The following MED15 variants were observed in gnomAD, a reference collection of about 807,000 sequenced individuals.
MED15 encodes the protein mediator complex subunit 15, also known as mediator of RNA polymerase II transcription subunit 15.
A neutral mutation model predicts 118.7 loss-of-function variants in MED15; 41 were observed. The ratio of observed to expected loss-of-function variants is 0.35; its 90% CI spans 0.27 to 0.45. The LOEUF (loss-of-function observed/expected upper bound fraction) is 0.45, where lower values mean the gene tolerates loss of function less well. MED15 is among the 20% of genes least tolerant of loss of function. MED15 has a pLI of 1.00. For missense variants in MED15, 740 were observed against 1,025.5 expected (o/e 0.72, Z 3.80); for synonymous variants, 436 against 413.9 (o/e 1.05, Z -0.65).
chr22:20,546,502 G>GTTTTTTTTTT (rs139110861), intron 2 of MED15, among the ~76,000 whole-genome samples: 2 of 109,402 alleles, frequency 1.8e-5, no homozygotes, highest in Non-Finnish European at 1.8e-5. Context: ...GTTACATGGA[G>GTTTTTTTTTT]TTTTTTTTGT....
At chr22:20,577,741 G>T (rs769896145) in intron 9 of MED15, among the ~76,000 whole-genome samples, 4 of 151,780 alleles carry the variant, frequency 2.6e-5, no homozygotes, top group Non-Finnish European at 4.4e-5. Context: ...ATTCGCACTG[G>T]CAGTGAGAGG....
rs1400144367 is a variant in MED15 at position 20,546,633 on chromosome 22, C to A, written c.157-4803C>A. On this transcript the variant is annotated intron_variant, in intron 2 of 17. Coordinates refer to ENST00000263205, the MANE Select transcript of MED15 (RefSeq NM_001003891.3). ...TTCTGATCTTTCCAGTCTAAGGAGT[C>A]CCCCCAAGGGCCACAGATGGGTTCT... Among the ~76,000 whole-genome samples the A allele has an allele frequency of 2.0e-5, 3 of 150,608 alleles. No homozygotes were observed. In the Admixed American group the frequency reaches 2.0e-4, roughly 10 times the overall value.
At chr22:20,524,820 T>C (rs1196668498) in intron 1 of MED15, among the ~76,000 whole-genome samples, 1 of 151,344 alleles carries the variant, frequency 6.6e-6, no homozygotes, top group Non-Finnish European at 1.5e-5. Context: ...CGGGATTTAG[T>C]AGAGACGGGA....
Position 20,517,852 on chromosome 22 carries a change from AT to A in MED15, c.68+10114del, listed in dbSNP as rs59692711. ...AGCTGGGGGCACTTAAATTAGATCC[AT>A]TTTTTTTCTGGAAGGCCTTTTGGCA... On this transcript the variant is annotated intron_variant, in intron 1 of 17. Transcript: ENST00000263205. Among the ~76,000 whole-genome samples the A allele has an allele frequency of 3.3e-5, 5 of 151,732 alleles. No homozygotes were observed. The East Asian group carries it at 7.7e-4, about 23-fold the overall frequency.
chr22:20,551,224 CT>C, intron 2 of MED15: 1 of 698,212 alleles, frequency 1.4e-6, no homozygotes, highest in Non-Finnish European at 2.7e-6. Flanking sequence ...CTGTCCCCTT[CT>C]TGTTTCTTTG....
intron 1 of MED15, among the ~76,000 whole-genome samples, chr22:20,514,667 T>A (rs1439959303): frequency 1.3e-5 from 2 of 152,154 alleles, no homozygotes; most frequent in Non-Finnish European, 2.9e-5. Flanking sequence ...TAGTGAAGCC[T>A]CCAGAGAGAC....
chr22:20,530,652 C>G (rs976099207), intron 1 of MED15, among the ~76,000 whole-genome samples: 1 of 151,992 alleles, frequency 6.6e-6, no homozygotes, highest in African/African-American at 2.4e-5. Context: ...TTGGTGGGAA[C>G]CAGGGCGGTT....
In MED15 at chr22:20,582,596, C is replaced by A; in HGVS notation, c.1273-15C>A. 1 of 1,541,820 alleles carries A rather than the reference C, an allele frequency of 6.5e-7. No homozygotes were observed. The highest frequency in any genetic ancestry group is 8.7e-7 in the Non-Finnish European group (1 of 1,149,560). ...GGCGTGTGGCAGCGCGCCGGCTGAGCCCCTCCACTTCCAGGTCAGCCAGAG... is the reference window on the plus strand; with the variant it reads ...GGCGTGTGGCAGCGCGCCGGCTGAGACCCTCCACTTCCAGGTCAGCCAGAG... On this transcript the variant is annotated splice_polypyrimidine_tract_variant and intron_variant, in intron 9 of 17. Transcript: ENST00000263205.
rs1427039539 is a variant in MED15 at position 20,520,672 on chromosome 22, A to G, written c.68+12926A>G. Among the ~76,000 whole-genome samples, 3 of 152,116 alleles carry G rather than the reference A, an allele frequency of 2.0e-5. No homozygotes were observed. In the East Asian group the frequency reaches 5.8e-4, roughly 29 times the overall value. On this transcript the variant is annotated intron_variant, in intron 1 of 17. Transcript: ENST00000263205. ...CCAGATCTGCACCCAGCCAGGGCAA[A>G]CTGTGCACCACTCTTCTGACTTCCA...
chr22:20,558,095 ACT>A (rs2056091023), intron 5 of MED15, among the ~76,000 whole-genome samples: 1 of 151,772 alleles, frequency 6.6e-6, no homozygotes, highest in African/African-American at 2.4e-5. Context: ...ACAGAGCGAG[ACT>A]CTGTCTCAAA....
intron 17 of MED15, 124 bp downstream of exon 17, chr22:20,585,950 T>G: frequency 1.2e-6 from 1 of 854,740 alleles, no homozygotes; most frequent in Non-Finnish European, 1.8e-6. Context: ...CTCAGGCCCC[T>G]CCCTCCCCTC....
chr22:20,555,709 ACCTC>A (rs2055973073), intron 5 of MED15, among the ~76,000 whole-genome samples: 2 of 152,146 alleles, frequency 1.3e-5, no homozygotes, highest in Admixed American at 1.3e-4. Flanking sequence ...GAGGCAAAGA[ACCTC>A]CCTCTTCTTT....
intron 16 of MED15, 161 bp from the exon 17 acceptor site, chr22:20,585,567 C>T: frequency 2.7e-6 from 2 of 736,866 alleles, no homozygotes; most frequent in Non-Finnish European, 4.5e-6. Flanking sequence ...GCACTCCAGG[C>T]TTCACGTTTG....
At chr22:20,583,526 G>C in intron 13 of MED15, 133 bp downstream of exon 13, 6 of 1,042,300 alleles carry the variant, frequency 5.8e-6, no homozygotes, top group Non-Finnish European at 7.2e-6. Context: ...AGGCCTCCAA[G>C]GCTCCACTCT....
At position 20,564,481 on chromosome 22, in the gene MED15, G is replaced by GCAGCAGCAGCAA; in HGVS notation, c.493_504dup (p.Gln165_Gln168dup). ...TGCAGCTCCAGCAGGTGGCGCTGCA[G>GCAGCAGCAGCAA]CAGCAGCAGCAACAGCAGCAGTTCC... On this transcript the variant is annotated inframe_insertion, in exon 6 of 18. Coordinates refer to ENST00000263205, the MANE Select transcript of MED15 (RefSeq NM_001003891.3). 2 of 1,612,492 alleles carry GCAGCAGCAGCAA rather than the reference G, an allele frequency of 1.2e-6. No individual in the cohort carries two copies. The highest frequency in any genetic ancestry group is 2.7e-5 in the African/African-American group (2 of 75,006).
chr22:20,586,557 C>T lies in MED15; in HGVS notation c.2231-11C>T. ...GGCCGCCTTAGGTTCACGCCCACTG[C>T]TCTGTTGCAGACGCCAACCCCTTCC... On this transcript the variant is annotated splice_polypyrimidine_tract_variant and intron_variant, in intron 17 of 17. Coordinates refer to ENST00000263205, the MANE Select transcript of MED15 (RefSeq NM_001003891.3). 1 of 1,611,674 alleles carries T rather than the reference C, an allele frequency of 6.2e-7. No homozygotes were observed. The highest frequency in any genetic ancestry group is 8.5e-7 in the Non-Finnish European group (1 of 1,179,240).
intron 1 of MED15, among the ~76,000 whole-genome samples, chr22:20,527,956 C>CAAA (rs763536363): frequency 2.1e-5 from 2 of 94,564 alleles, no homozygotes; most frequent in South Asian, 3.6e-4. Flanking sequence ...GACTCCGTCT[C>CAAA]AAAAAAAAAA....
chr22:20,586,846 C>CA lies in MED15; in HGVS notation c.*145dup. 7.9e-7 allele frequency: 1 copy of CA among 1,272,412 alleles called. No homozygotes were observed. Among genetic ancestry groups the CA allele is most frequent in the Non-Finnish European group, 1.1e-6 (1 of 938,376 alleles). The allele number at this position is 1,272,412 out of a possible 1,614,324, so 78.8% of individuals were successfully genotyped here. On this transcript the variant is annotated 3_prime_UTR_variant, in exon 18 of 18. Coordinates refer to ENST00000263205, the MANE Select transcript of MED15 (RefSeq NM_001003891.3). ...TTTATCTTCTGCCTTGGGGACCTGC[C>CA]AAACGAAATCCCACACCTGTACAGA...
rs56334023 is a variant in MED15, at chr22:20,550,922, G to A, written c.157-514G>A. The A allele has an allele frequency of 2.7e-3, 941 of 350,458 alleles. 9 individuals carry two copies. Among genetic ancestry groups the A allele is most frequent in the African/African-American group, 0.018 (855 of 46,734 alleles). 21.7% of individuals were successfully genotyped at this position (350,458 alleles called of 1,614,324 possible). ...AATGGAGATGAACACAGATTCTCCC[G>A]GAAAGCGCAGCCAGGGGAGGGCCGC... On this transcript the variant is annotated intron_variant, in intron 2 of 17. Transcript: ENST00000263205.
Sources: gnomAD v4.1 joint callset for allele counts (sites outside exome capture counted in the v4.1 genomes callset) on GRCh38, gnomAD v4.1.1 for gene constraint, MANE v1.5 for transcripts, NCBI Gene and HGNC (gene_info 2026-07-23, HGNC 2026-07-21) for gene names.